The following MPPED1 variants were observed in gnomAD, a reference collection of about 807,000 sequenced individuals.
MPPED1 encodes the protein metallophosphoesterase domain containing 1, also known as metallophosphoesterase domain-containing protein 1.
MPPED1 carries 16 observed loss-of-function variants against 36.2 expected under a neutral mutation model. The observed-to-expected ratio is 0.44, with a 90% CI of 0.30 to 0.67. The LOEUF is 0.67. MPPED1 is among the 30% of genes least tolerant of loss of function. The pLI is 0.10. For synonymous variants in MPPED1, 199 were observed against 191.3 expected (o/e 1.04, Z -0.33); for missense variants, 307 against 453.4 (o/e 0.68, Z 2.93).
At chr22:43,471,800 C>T (rs1357397322) in intron 3 of MPPED1, among the ~76,000 whole-genome samples, 4 of 152,226 alleles carry the variant, frequency 2.6e-5, no homozygotes, top group Non-Finnish European at 4.4e-5. Flanking sequence ...GAAGCAAACA[C>T]GCCTGCATCC....
At chr22:43,499,686 ATGGTGG>A (rs1424531058) in intron 5 of MPPED1, among the ~76,000 whole-genome samples, 1 of 51,764 alleles carries the variant, frequency 1.9e-5, no homozygotes, top group Non-Finnish European at 3.9e-5. Flanking sequence ...GATGGTGGTG[ATGGTGG>A]TGGTGGAGGT....
intron 4 of MPPED1, among the ~76,000 whole-genome samples, chr22:43,495,055 A>G (rs1932215280): frequency 6.6e-6 from 1 of 152,116 alleles, no homozygotes; most frequent in South Asian, 2.1e-4. Context: ...AGATTTCAAA[A>G]TATTAATTTT....
At chr22:43,417,070 G>C in intron 1 of MPPED1, 1 of 933,286 alleles carries the variant, frequency 1.1e-6, no homozygotes, top group Non-Finnish European at 1.3e-6. Context: ...AAATGAAGCG[G>C]CAGAGACTGC....
In MPPED1 at chr22:43,491,586, A is replaced by ATGGTGGTGGTGATGG. The variant is rs1932088340; in HGVS notation, c.633-6643_633-6629dup. 1.9e-5 allele frequency among the ~76,000 whole-genome samples: 2 copies of ATGGTGGTGGTGATGG among 106,942 alleles called. 1 individual carries two copies. The highest frequency in any genetic ancestry group is 1.8e-4 in the Admixed American group (2 of 11,044). 70.2% of individuals were successfully genotyped at this position (106,942 alleles called of 152,430 possible). ...AGTGATGGAGGTGGTGATGAAGATG[A>ATGGTGGTGGTGATGG]TGGTGGTGGTGATGGTGGTGTTGGT... On this transcript the variant is annotated intron_variant, in intron 4 of 6. Transcript: ENST00000443721.
At chr22:43,416,205 A>G (rs772656862) in intron 1 of MPPED1, among the ~76,000 whole-genome samples, 7 of 152,200 alleles carry the variant, frequency 4.6e-5, no homozygotes, top group Non-Finnish European at 1.0e-4. Context: ...GGCTGGTGAG[A>G]ATGGAGTTTT....
rs1928959019 is a variant in MPPED1 at position 43,412,990 on chromosome 22, T to C, written c.-79+832T>C. 2.0e-5 allele frequency among the ~76,000 whole-genome samples: 3 copies of C among 152,134 alleles called. 1 individual carries two copies. In the South Asian group the frequency reaches 6.2e-4, roughly 32 times the overall value. On this transcript the variant is annotated intron_variant, in intron 1 of 6. Transcript: ENST00000443721. ...TCGGAACTCACCCTGCTCCTTTCCCTCCCACCTCTCCGGGCTCAAGCTGGG... is the reference window on the plus strand; with the variant it reads ...TCGGAACTCACCCTGCTCCTTTCCCCCCCACCTCTCCGGGCTCAAGCTGGG...
intron 4 of MPPED1, among the ~76,000 whole-genome samples, chr22:43,481,164 C>T (rs946382799): frequency 6.6e-6 from 1 of 152,162 alleles, no homozygotes; most frequent in Non-Finnish European, 1.5e-5. Flanking sequence ...TGTTTTGCCT[C>T]TTATGTTCAG....
At chr22:43,494,384 G>C (rs1045910538) in intron 4 of MPPED1, among the ~76,000 whole-genome samples, 2 of 152,078 alleles carry the variant, frequency 1.3e-5, no homozygotes, top group Non-Finnish European at 2.9e-5. Flanking sequence ...CTAGTTGCTG[G>C]TGATCCTTGG....
chr22:43,414,588 A>C (rs938344472), intron 1 of MPPED1, among the ~76,000 whole-genome samples: 4 of 152,174 alleles, frequency 2.6e-5, no homozygotes, highest in Non-Finnish European at 5.9e-5. Flanking sequence ...AATATTATGC[A>C]CAGAAAAACA....
At chr22:43,499,182 ATGGTGG>A (rs748688499) in intron 5 of MPPED1, among the ~76,000 whole-genome samples, 1 of 130,758 alleles carries the variant, frequency 7.6e-6, no homozygotes, top group East Asian at 2.5e-4. Flanking sequence ...GGAGGTGGAG[ATGGTGG>A]TGGTGGTGGT....
At chr22:43,487,068 C>T (rs1248946413) in intron 4 of MPPED1, among the ~76,000 whole-genome samples, 4 of 152,102 alleles carry the variant, frequency 2.6e-5, no homozygotes, top group Non-Finnish European at 5.9e-5. Flanking sequence ...GGTAGAGCAC[C>T]TGCTTGTTCA....
chr22:43,440,026 C>T (rs1166060977), intron 3 of MPPED1, among the ~76,000 whole-genome samples: 1 of 152,240 alleles, frequency 6.6e-6, no homozygotes, highest in Non-Finnish European at 1.5e-5. Context: ...CCTCCACTGT[C>T]AGCCCCTGAA....
chr22:43,467,642 A>T (rs1931219372), intron 3 of MPPED1, among the ~76,000 whole-genome samples: 1 of 152,210 alleles, frequency 6.6e-6, no homozygotes. Flanking sequence ...GACATCGGCA[A>T]GTGTTTAAAC....
At chr22:43,417,839 A>T (rs963208818) in intron 1 of MPPED1, 2 of 340,200 alleles carry the variant, frequency 5.9e-6, no homozygotes, top group Non-Finnish European at 1.2e-5. Context: ...GGGGCTATTC[A>T]GTCGCTCCTA....
At chr22:43,412,924 C>T (rs1928956295) in intron 1 of MPPED1, among the ~76,000 whole-genome samples, 1 of 152,232 alleles carries the variant, frequency 6.6e-6, no homozygotes, top group Admixed American at 6.5e-5. Context: ...TCATTCAGAG[C>T]ACTGATGTGC....
At chr22:43,447,033 T>C (rs912986462) in intron 3 of MPPED1, among the ~76,000 whole-genome samples, 2 of 152,258 alleles carry the variant, frequency 1.3e-5, no homozygotes, top group Admixed American at 6.5e-5. Context: ...GGAGGGCAGG[T>C]GACTTTCCTG....
chr22:43,443,179 C>A (rs1930212750), intron 3 of MPPED1, among the ~76,000 whole-genome samples: 1 of 152,176 alleles, frequency 6.6e-6, no homozygotes, highest in Non-Finnish European at 1.5e-5. Flanking sequence ...GAGGGTCATG[C>A]ACGGAGAAGG....
intron 2 of MPPED1, among the ~76,000 whole-genome samples, chr22:43,434,690 A>G (rs927753014): frequency 2.0e-5 from 3 of 152,252 alleles, no homozygotes; most frequent in African/African-American, 4.8e-5. Context: ...AACGAACAAA[A>G]GGCTGGAAGC....
chr22:43,492,753 G>A (rs1261012482), intron 4 of MPPED1, among the ~76,000 whole-genome samples: 1 of 152,170 alleles, frequency 6.6e-6, no homozygotes, highest in African/African-American at 2.4e-5. Flanking sequence ...CAAGAACCGG[G>A]CAGGAGCGAC....
Sources: gnomAD v4.1 joint callset for allele counts (sites outside exome capture counted in the v4.1 genomes callset) on GRCh38, gnomAD v4.1.1 for gene constraint, MANE v1.5 for transcripts, NCBI Gene and HGNC (gene_info 2026-07-23, HGNC 2026-07-21) for gene names.